The following ZNF318 variants were observed in gnomAD, a reference collection of about 807,000 sequenced individuals.
The protein encoded by ZNF318 is endocrine regulator.
A neutral mutation model predicts 124.2 loss-of-function variants in ZNF318; 51 were observed. That is an observed-to-expected ratio of 0.41 (90% CI 0.33 to 0.52). The LOEUF (loss-of-function observed/expected upper bound fraction) is 0.52. Among genes scored for constraint, ZNF318 ranks in the 20% least tolerant of loss-of-function variants. The pLI is 0.23. For missense variants in ZNF318, 2,815 were observed against 2,811.2 expected (o/e 1.00, Z -0.03); for synonymous variants, 1,090 against 1,040.7 (o/e 1.05, Z -0.91).
chr6:43,368,168 C>T (rs997105731), intron 1 of ZNF318, among the ~76,000 whole-genome samples: 1 of 152,192 alleles, frequency 6.6e-6, no homozygotes, highest in Non-Finnish European at 1.5e-5. Flanking sequence ...ACTCATGCTC[C>T]GTTCCTCTAG....
At chr6:43,366,687 T>A (rs113177211) in intron 1 of ZNF318, among the ~76,000 whole-genome samples, 1 of 152,066 alleles carries the variant, frequency 6.6e-6, no homozygotes, top group Non-Finnish European at 1.5e-5. Flanking sequence ...GCACCTGTAG[T>A]CCCAGCTACT....
chr6:43,347,350 T>C (rs1425645582), intron 6 of ZNF318, among the ~76,000 whole-genome samples: 3 of 152,214 alleles, frequency 2.0e-5, no homozygotes, highest in African/African-American at 7.2e-5. Context: ...CACAGCAACA[T>C]AAGCAAAAAC....
Position 43,357,484 on chromosome 6 carries a change from T to G in ZNF318, c.830A>C (p.Asp277Ala), listed in dbSNP as rs1301805299. ...CATGCTGTTTATCTTCACTGTGTCA[T>G]CATAACGGGGTCTTTTGGCCTCCCG... Reference protein sequence around the residue: ...RSREAKRPRYDDTVKINSMGG... With the variant: ...RSREAKRPRYADTVKINSMGG... Residue 277 changes from aspartate to alanine, a missense_variant, in exon 3 of 10, where the codon GAT (aspartate) becomes GCT (alanine). Asp to Ala is a moderately radical substitution (Grantham distance 126). Around this residue, in one of 4 missense-constraint regions of ZNF318, gnomAD observed 1,377 missense variants for 1,353.5 expected, o/e 1.02. Coordinates refer to ENST00000361428, the MANE Select transcript of ZNF318 (RefSeq NM_014345.3). 1 of 1,614,182 alleles carries G rather than the reference T, an allele frequency of 6.2e-7. No individual in the cohort carries two copies.
At position 43,355,963 on chromosome 6, in the gene ZNF318, A is replaced by G. The variant is rs1404982156; in HGVS notation, c.1371T>C (p.Pro457=). The G allele has an allele frequency of 6.2e-7, 1 of 1,614,234 alleles. No individual in the cohort carries two copies. The highest frequency in any genetic ancestry group is 1.7e-5 in the Admixed American group (1 of 60,026). ...QGNLYQWGPL[P]GIPKDNSPLR... ...GAGGACTGTTGTCTTTGGGAATCCCAGGAAGGGGACCCCATTGGTAGAGGT... is the reference window on the plus strand; with the variant it reads ...GAGGACTGTTGTCTTTGGGAATCCCGGGAAGGGGACCCCATTGGTAGAGGT... The change falls in exon 4 of 10, where the codon CCT becomes CCC. Residue 457 remains proline, a synonymous_variant. Coordinates refer to ENST00000361428, the MANE Select transcript of ZNF318 (RefSeq NM_014345.3).
At chr6:43,358,762 G>T (rs1283305604) in intron 2 of ZNF318, among the ~76,000 whole-genome samples, 1 of 151,628 alleles carries the variant, frequency 6.6e-6, no homozygotes, top group Non-Finnish European at 1.5e-5. Context: ...TCACATGTTG[G>T]CCAGGCTGGT....
intron 1 of ZNF318, among the ~76,000 whole-genome samples, chr6:43,367,070 T>G (rs1487237275): frequency 6.6e-6 from 1 of 152,196 alleles, no homozygotes; most frequent in Non-Finnish European, 1.5e-5. Context: ...CAACATGGTC[T>G]CGATCTCCTG....
intron 4 of ZNF318, 63 bp from the exon 5 acceptor site, chr6:43,352,539 T>C: frequency 6.9e-7 from 1 of 1,454,642 alleles, no homozygotes. Flanking sequence ...TATTTCTCTC[T>C]TCCAGAAGCC....
At position 43,340,904 on chromosome 6, in the gene ZNF318, A is replaced by G; in HGVS notation, c.3381T>C (p.Ser1127=). The part of the protein sequence containing the change: ...TDKITVPAKG[S]EFLVPISGFY... ...ATCCACTGATGGGAACCAGAAACTC[A>G]GAGCCTGGAAGAAGTAGAAAAAAGT... Residue 1127 remains serine, a synonymous_variant, in exon 9 of 10, where the codon TCT becomes TCC. Transcript: ENST00000361428. The G allele has an allele frequency of 6.2e-6, 10 of 1,611,188 alleles. No individual in the cohort carries two copies. Among genetic ancestry groups the G allele is most frequent in the Non-Finnish European group, 8.5e-6 (10 of 1,177,286 alleles).
rs888141059 is a variant in ZNF318 at position 43,336,992 on chromosome 6, A to C, written c.*166T>G. 22 of 480,706 alleles carry C rather than the reference A, an allele frequency of 4.6e-5. 1 individual carries two copies. In the South Asian group the frequency reaches 1.3e-3, roughly 29 times the overall value. The allele number at this position is 480,706 out of a possible 1,614,324, so 29.8% of individuals were successfully genotyped here. A position where few individuals can be genotyped will look rare whatever the true frequency, so the allele number is the denominator to read the frequency against. On this transcript the variant is annotated 3_prime_UTR_variant, in exon 10 of 10. Transcript: ENST00000361428. Reference sequence around the variant, plus strand: ...CTGGTGTTTTAAGGGGAAAGGGAAAAGGAAAGGAGGTAAATTTTTTAGCTT... The same window carrying C: ...CTGGTGTTTTAAGGGGAAAGGGAAACGGAAAGGAGGTAAATTTTTTAGCTT...
chr6:43,339,314 T>C lies in ZNF318; in HGVS notation c.4684A>G (p.Thr1562Ala), dbSNP rs757623491. ...TCATACAGGTCCTTAGCATTGGCTG[T>C]GGCTAAGCATGAATTTCGCTTCTCT... ...KLEKRNSCLA[T>A]ANAKDLYDIF... Residue 1562 changes from threonine (T) to alanine (A), a missense_variant, in exon 10 of 10, where the codon ACA becomes GCA. Transcript: ENST00000361428. The surrounding 1 kb of genome is among the most constrained non-coding windows in gnomAD (Gnocchi z 4.2). The C allele has an allele frequency of 6.2e-7, 1 of 1,614,170 alleles. No individual in the cohort carries two copies. The highest frequency in any genetic ancestry group is 8.5e-7 in the Non-Finnish European group (1 of 1,180,018).
In ZNF318 at chr6:43,369,083, C is replaced by G; in HGVS notation, c.283G>C (p.Gly95Arg). 1 of 1,272,312 alleles carries G rather than the reference C, an allele frequency of 7.9e-7. No individual in the cohort carries two copies. Among genetic ancestry groups the G allele is most frequent in the Non-Finnish European group, 9.9e-7 (1 of 1,009,438 alleles). The allele number at this position is 1,272,312 out of a possible 1,614,324, so 78.8% of individuals were successfully genotyped here. A position where few individuals can be genotyped will look rare whatever the true frequency, so the allele number is the denominator to read the frequency against. Residue 95 changes from glycine (G) to arginine (R), a missense_variant, in exon 1 of 10, where the codon GGC (glycine) becomes CGC (arginine). By Grantham distance (125) the Gly-to-Arg change is moderately radical. Around this residue, in one of 4 missense-constraint regions of ZNF318, gnomAD observed 1,377 missense variants for 1,353.5 expected, o/e 1.02. Coordinates refer to ENST00000361428, the MANE Select transcript of ZNF318 (RefSeq NM_014345.3). ...GGGCCCGGCGGGAAGAGTCGTCGGCCCCGCGGTGGCGACGGGGAGCCGCGA... is the reference window on the plus strand; with the variant it reads ...GGGCCCGGCGGGAAGAGTCGTCGGCGCCGCGGTGGCGACGGGGAGCCGCGA... The part of the protein sequence containing the change: ...ARRGSPSPPR[G>R]RRLFPPGPAG...
At chr6:43,352,258 A>ATTCTTTGCACTATTATTGCAACTT in intron 5 of ZNF318, 119 bp downstream of exon 5, 1 of 742,334 alleles carries the variant, frequency 1.3e-6, no homozygotes, top group African/African-American at 1.8e-5. Context: ...TGTAAGTTTA[A>ATTCTTTGCACTATTATTGCAACTT]TTACGTCAAA....
At chr6:43,368,870 G>T in intron 1 of ZNF318, 97 bp downstream of exon 1, 1 of 1,245,966 alleles carries the variant, frequency 8.0e-7, no homozygotes, top group Non-Finnish European at 1.0e-6. Flanking sequence ...TTCGCGCTTA[G>T]GACCCTGGTC....
intron 9 of ZNF318, 96 bp from the exon 10 acceptor site, chr6:43,340,598 C>T: frequency 1.3e-6 from 2 of 1,492,124 alleles, no homozygotes; most frequent in Non-Finnish European, 1.8e-6. Context: ...AGTAGAAATC[C>T]CCAGAATTAT....
At chr6:43,347,132 T>C (rs1779458703) in intron 6 of ZNF318, among the ~76,000 whole-genome samples, 1 of 151,392 alleles carries the variant, frequency 6.6e-6, no homozygotes, top group South Asian at 2.1e-4. Context: ...GTTAGAAGAG[T>C]AGATAAGGAA....
chr6:43,339,725 C>CT lies in ZNF318; in HGVS notation c.4272dup (p.Val1425SerfsTer5). Reference sequence around the variant, plus strand: ...GGCTCACTCTTTTCAGCCAACACCACTTTTTCCTCTGGAGACCCTTTTAGA... The same window carrying CT: ...GGCTCACTCTTTTCAGCCAACACCACTTTTTTCCTCTGGAGACCCTTTTAGA... On this transcript the variant is annotated frameshift_variant, in exon 10 of 10. Coordinates refer to ENST00000361428, the MANE Select transcript of ZNF318 (RefSeq NM_014345.3). LOFTEE classifies it high-confidence loss of function. This position sits in a 1 kb window ranked among gnomAD's most constrained non-coding sequence, Gnocchi z 4.2. 6.2e-7 allele frequency: 1 copy of CT among 1,614,094 alleles called. No individual in the cohort carries two copies. The highest frequency in any genetic ancestry group is 8.5e-7 in the Non-Finnish European group (1 of 1,180,020).
chr6:43,359,046 C>T (rs974227084), intron 2 of ZNF318, among the ~76,000 whole-genome samples: 2 of 152,182 alleles, frequency 1.3e-5, no homozygotes, highest in Non-Finnish European at 2.9e-5. Context: ...AAAAGTATCA[C>T]TATATGGTAA....
rs1024242096 is a variant in ZNF318, at chr6:43,369,638, A to G, written c.-273T>C. ...GCTCCTCCACTCAGGGAGCGGCCGC[A>G]GGAACCAAGAAAAGTGGGGAGGAGC... On this transcript the variant is annotated 5_prime_UTR_variant, in exon 1 of 10. Coordinates refer to ENST00000361428, the MANE Select transcript of ZNF318 (RefSeq NM_014345.3). Among the ~76,000 whole-genome samples, 9 of 151,640 alleles carry G rather than the reference A, an allele frequency of 5.9e-5. No individual in the cohort carries two copies. Among genetic ancestry groups the G allele is most frequent in the African/African-American group, 1.5e-4 (6 of 41,294 alleles).
In ZNF318 at chr6:43,339,518, T is replaced by A; in HGVS notation, c.4480A>T (p.Asn1494Tyr). Residue 1494 changes from asparagine to tyrosine, a missense_variant, in exon 10 of 10, where the codon AAC (asparagine) becomes TAC (tyrosine). Asn to Tyr is a moderately radical substitution (Grantham distance 143). Around this residue, in one of 4 missense-constraint regions of ZNF318, gnomAD observed 500 missense variants for 605.2 expected, o/e 0.83. Transcript: ENST00000361428. The surrounding 1 kb of genome is among the most constrained non-coding windows in gnomAD (Gnocchi z 4.2). ...QTLSPGFVGP[N>Y]ILNPVLPVAI... is the part of the protein sequence containing the mutation. Reference sequence around the variant, plus strand: ...ACAGGCAACACTGGGTTCAAAATGTTAGGACCCACGAAGCCAGGGCTGAGA... The same window carrying A: ...ACAGGCAACACTGGGTTCAAAATGTAAGGACCCACGAAGCCAGGGCTGAGA... 6.2e-7 allele frequency: 1 copy of A among 1,614,020 alleles called. No homozygotes were observed. Among genetic ancestry groups the A allele is most frequent in the East Asian group, 2.2e-5 (1 of 44,866 alleles).
Sources: gnomAD v4.1 joint callset for allele counts (sites outside exome capture counted in the v4.1 genomes callset) on GRCh38, gnomAD v4.1.1 for gene constraint, gnomAD v4.1.1 regional missense constraint, Gnocchi (gnomAD v3.1) non-coding constraint, MANE v1.5 for transcripts, NCBI Gene and HGNC (gene_info 2026-07-23, HGNC 2026-07-21) for gene names.